UBTF: variants seen among roughly 807,000 people sequenced by gnomAD.
UBTF encodes the protein nucleolar transcription factor 1.
Under a neutral mutation model 112.3 loss-of-function variants are expected in UBTF, and 8 were observed. That is an observed-to-expected ratio of 0.07 (90% confidence interval 0.04 to 0.13). The LOEUF is 0.13. UBTF is among the 10% of genes least tolerant of loss of function. The probability of loss-of-function intolerance (pLI) is 1.00; values close to 1 mark genes in which losing one functional copy is unlikely to be tolerated. For missense variants in UBTF, 457 were observed against 982.1 expected (o/e 0.47, Z 7.15); for synonymous variants, 417 against 373.1 (o/e 1.12, Z -1.36).
intron 20 of UBTF, 27 bp downstream of exon 20, chr17:44,207,427 C>T (rs969105207): frequency 6.2e-7 from 1 of 1,612,552 alleles, no homozygotes; most frequent in Non-Finnish European, 8.5e-7. Flanking sequence ...ACTCCCCTCC[C>T]CTCCCACTGT....
chr17:44,207,998 G>A (rs1268802705), intron 17 of UBTF, 87 bp from the exon 18 acceptor site: 10 of 1,550,670 alleles, frequency 6.4e-6, no homozygotes, highest in South Asian at 3.4e-5. Context: ...AGTGGGCTGA[G>A]CATTTATATA....
chr17:44,215,577 C>T, intron 5 of UBTF, 77 bp downstream of exon 5: 2 of 1,572,462 alleles, frequency 1.3e-6, no homozygotes, highest in Non-Finnish European at 1.7e-6. Context: ...TCTCCAAGGC[C>T]TACCTCCAAC....
Position 44,219,483 on chromosome 17 carries a change from C to T in UBTF, c.-106G>A, listed in dbSNP as rs896769234. ...GCCTCCGGGCTTCCCGCTCCAGCGGCTCCCTCCCTGGCTCTGAGTGGCGGC... is the reference window on the plus strand; with the variant it reads ...GCCTCCGGGCTTCCCGCTCCAGCGGTTCCCTCCCTGGCTCTGAGTGGCGGC... On this transcript the variant is annotated 5_prime_UTR_variant, in exon 1 of 21. Transcript: ENST00000436088. 4 of 152,484 alleles carry T rather than the reference C, an allele frequency of 2.6e-5. No homozygotes were observed. Among genetic ancestry groups the T allele is most frequent in the Non-Finnish European group, 5.9e-5 (4 of 67,996 alleles). The allele number at this position is 152,484 out of a possible 1,614,324, so 9.4% of individuals were successfully genotyped here.
At position 44,207,189 on chromosome 17, in the gene UBTF, T is replaced by TG; in HGVS notation, c.*52dup. On this transcript the variant is annotated 3_prime_UTR_variant, in exon 21 of 21. Transcript: ENST00000436088. ...TGGGGGAGAAACAAAGGTGGTCAGTTGGGGAGGGGAGCTCCTGGGCTCTCC... is the reference window on the plus strand; with the variant it reads ...TGGGGGAGAAACAAAGGTGGTCAGTTGGGGGAGGGGAGCTCCTGGGCTCTCC... 3 of 1,603,800 alleles carry TG rather than the reference T, an allele frequency of 1.9e-6. No individual in the cohort carries two copies. The highest frequency in any genetic ancestry group is 2.6e-6 in the Non-Finnish European group (3 of 1,174,290).
At chr17:44,218,377 G>A (rs368223085) in intron 1 of UBTF, 81 bp from the exon 2 acceptor site, 2 of 772,748 alleles carry the variant, frequency 2.6e-6, no homozygotes, top group Non-Finnish European at 4.3e-6. Context: ...AGAGTAGAAG[G>A]GGGCAGGTCC....
chr17:44,207,031 C>T lies in UBTF; in HGVS notation c.*211G>A. On this transcript the variant is annotated 3_prime_UTR_variant, in exon 21 of 21. Coordinates refer to ENST00000436088, the MANE Select transcript of UBTF (RefSeq NM_014233.4). Reference sequence around the variant, plus strand: ...TAGTTGCTGTCCCTGGAGGAGGACCCCCAAGGGCTGATGTCTCTGAGGCTG... The same window carrying T: ...TAGTTGCTGTCCCTGGAGGAGGACCTCCAAGGGCTGATGTCTCTGAGGCTG... The T allele has an allele frequency of 1.6e-6, 1 of 608,770 alleles. No homozygotes were observed. Among genetic ancestry groups the T allele is most frequent in the Non-Finnish European group, 2.8e-6 (1 of 350,882 alleles). The allele number at this position is 608,770 out of a possible 1,614,324, so 37.7% of individuals were successfully genotyped here.
chr17:44,210,536 A>T (rs2144533416), intron 13 of UBTF, 63 bp from the exon 14 acceptor site: 4 of 1,487,408 alleles, frequency 2.7e-6, no homozygotes, highest in East Asian at 4.9e-5. Context: ...CTCCCCGCGC[A>T]GCAGCCCAGG....
chr17:44,216,813 G>T, intron 2 of UBTF, 109 bp from the exon 3 acceptor site: 1 of 1,124,886 alleles, frequency 8.9e-7, no homozygotes, highest in Non-Finnish European at 1.3e-6. Context: ...CCAGCCCCTG[G>T]TTGCTTCCCA....
chr17:44,207,658 C>G, intron 19 of UBTF, 41 bp downstream of exon 19: 1 of 1,614,036 alleles, frequency 6.2e-7, no homozygotes, highest in Non-Finnish European at 8.5e-7. Flanking sequence ...CCAGGCAGTG[C>G]CCCCCGCCCC....
At chr17:44,213,688 G>A (rs867101101) in intron 5 of UBTF, among the ~76,000 whole-genome samples, 1 of 152,208 alleles carries the variant, frequency 6.6e-6, no homozygotes, top group Admixed American at 6.5e-5. Flanking sequence ...CTCACTGTCT[G>A]TGGCAGCTGA....
In UBTF at chr17:44,219,621, G is replaced by A. The variant is rs2047065211; in HGVS notation, c.-244C>T. ...GGCGGCTGCTGCTGCTGTGGCGGCG[G>A]CGGCGGCGGCGGCGGCTGTGGCTGC... On this transcript the variant is annotated 5_prime_UTR_variant, in exon 1 of 21. Coordinates refer to ENST00000436088, the MANE Select transcript of UBTF (RefSeq NM_014233.4). 1 of 160,380 alleles carries A rather than the reference G, an allele frequency of 6.2e-6. No individual in the cohort carries two copies. Among genetic ancestry groups the A allele is most frequent in the South Asian group, 1.8e-4 (1 of 5,450 alleles). 9.9% of individuals were successfully genotyped at this position (160,380 alleles called of 1,614,324 possible). A position where few individuals can be genotyped will look rare whatever the true frequency, so the allele number is the denominator to read the frequency against.
chr17:44,213,126 TCA>T, intron 6 of UBTF, 90 bp downstream of exon 6: 2 of 1,550,072 alleles, frequency 1.3e-6, no homozygotes, highest in Non-Finnish European at 1.8e-6. Context: ...CTTCCATGCC[TCA>T]GAGATGGCAA....
intron 6 of UBTF, 78 bp downstream of exon 6, chr17:44,213,140 C>A: frequency 6.4e-7 from 1 of 1,566,418 alleles, no homozygotes; most frequent in East Asian, 2.2e-5. Flanking sequence ...AGATGGCAAA[C>A]TCAAGGCTCT....
At chr17:44,216,754 G>C (rs376294653) in intron 2 of UBTF, 50 bp from the exon 3 acceptor site, 1 of 1,585,744 alleles carries the variant, frequency 6.3e-7, no homozygotes, top group East Asian at 2.2e-5. Context: ...CTATCCCCCC[G>C]ATCTGTTCCC....
chr17:44,218,322 T>C, intron 1 of UBTF, 26 bp from the exon 2 acceptor site: 1 of 1,409,980 alleles, frequency 7.1e-7, no homozygotes, highest in Non-Finnish European at 9.9e-7. Flanking sequence ...CAGTTCCCAC[T>C]CAGGAAGGCT....
At chr17:44,209,784 G>A in intron 15 of UBTF, 51 bp from the exon 16 acceptor site, 1 of 1,573,278 alleles carries the variant, frequency 6.4e-7, no homozygotes, top group Non-Finnish European at 8.7e-7. Context: ...CCAAAATACT[G>A]CTGCCTTCTG....
At position 44,207,185 on chromosome 17, in the gene UBTF, C is replaced by T; in HGVS notation, c.*57G>A. On this transcript the variant is annotated 3_prime_UTR_variant, in exon 21 of 21. Coordinates refer to ENST00000436088, the MANE Select transcript of UBTF (RefSeq NM_014233.4). The stretch of plus-strand genomic sequence containing the variant: ...AACATGGGGGAGAAACAAAGGTGGT[C>T]AGTTGGGGAGGGGAGCTCCTGGGCT... 1 of 1,599,280 alleles carries T rather than the reference C, an allele frequency of 6.3e-7. No homozygotes were observed. The highest frequency in any genetic ancestry group is 8.5e-7 in the Non-Finnish European group (1 of 1,170,044).
chr17:44,210,304 C>T lies in UBTF; in HGVS notation c.1515+14G>A, dbSNP rs775641489. The T allele has an allele frequency of 3.0e-5, 48 of 1,614,132 alleles. No homozygotes were observed. Among genetic ancestry groups the T allele is most frequent in the Middle Eastern group, 3.3e-4 (2 of 6,084 alleles). ...GCTAGAGGCTGCAGTACTACCCTTT[C>T]CCACCCCTGTCACCTTGAAGCGGGC... is the stretch of plus-strand genomic sequence containing the variant. On this transcript the variant is annotated intron_variant, in intron 14 of 20. Transcript: ENST00000436088.
upstream of UBTF, among the ~76,000 whole-genome samples, chr17:44,220,356 C>A (rs1431883519): frequency 6.6e-6 from 1 of 151,948 alleles, no homozygotes; most frequent in African/African-American, 2.4e-5. Context: ...CAGGCCAGCT[C>A]TCTCCCGCCT....
Sources: allele counts gnomAD v4.1 joint callset (sites outside exome capture counted in the v4.1 genomes callset), GRCh38; gene constraint gnomAD v4.1.1; transcripts MANE v1.5; gene names NCBI Gene and HGNC (gene_info 2026-07-23, HGNC 2026-07-21).